The following KIF11 variants were observed in gnomAD, a reference collection of about 807,000 sequenced individuals.
The protein encoded by KIF11 is kinesin family member 11.
A neutral mutation model predicts 121.0 loss-of-function variants in KIF11; 9 were observed. That is an observed-to-expected ratio of 0.07 (90% CI 0.04 to 0.13). The LOEUF (loss-of-function observed/expected upper bound fraction) is 0.13, where lower values mean the gene tolerates loss of function less well. Among genes scored for constraint, KIF11 ranks in the 10% least tolerant of loss-of-function variants. KIF11 has a pLI of 1.00. For synonymous variants in KIF11, 408 were observed against 421.0 expected (o/e 0.97, Z 0.38); for missense variants, 846 against 1,217.5 (o/e 0.69, Z 4.54).
chr10:92,615,692 T>C lies in KIF11; in HGVS notation c.1033-1045T>C, dbSNP rs1332587455. Among the ~76,000 whole-genome samples the C allele has an allele frequency of 3.3e-5, 5 of 152,282 alleles. No individual in the cohort carries two copies. In the South Asian group the frequency reaches 8.3e-4, roughly 25 times the overall value. On this transcript the variant is annotated intron_variant, in intron 8 of 21. Transcript: ENST00000260731. ...ATATTTGCCTATTCTGGGTATTTCA[T>C]ATAAATGGAATTACGTAATAGGTAG...
intron 10 of KIF11, among the ~76,000 whole-genome samples, chr10:92,625,754 T>C (rs1844669667): frequency 6.6e-6 from 1 of 152,188 alleles, no homozygotes; most frequent in South Asian, 2.1e-4. Flanking sequence ...ATCATTGTAC[T>C]AAAATCAGTA....
At chr10:92,642,404 C>A (rs1210565053) in intron 17 of KIF11, among the ~76,000 whole-genome samples, 7 of 152,190 alleles carry the variant, frequency 4.6e-5, no homozygotes, top group Non-Finnish European at 7.3e-5. Flanking sequence ...GTGCTACCCA[C>A]ATGAGAAAAA....
chr10:92,613,593 A>G lies in KIF11; in HGVS notation c.1006A>G (p.Ile336Val), dbSNP rs761471421. ...GRTRTSIIAT[I>V]SPASLNLEET... ...TACAAGAACATCTATAATTGCAACA[A>G]TTTCTCCTGCATCTCTCAATCTTGA... The change falls in exon 8 of 22, where the codon ATT (isoleucine) becomes GTT (valine). Residue 336 changes from isoleucine (I) to valine (V), a missense_variant. By Grantham distance (29) the Ile-to-Val change is conservative. Coordinates refer to ENST00000260731, the MANE Select transcript of KIF11 (RefSeq NM_004523.4). This position sits in a 1 kb window ranked among gnomAD's most constrained non-coding sequence, Gnocchi z 4.2. The G allele has an allele frequency of 9.9e-6, 16 of 1,613,120 alleles. No individual in the cohort carries two copies. The highest frequency in any genetic ancestry group is 1.6e-4 in the Middle Eastern group (1 of 6,074).
At chr10:92,597,333 G>A (rs191059369) in intron 1 of KIF11, 8 of 190,266 alleles carry the variant, frequency 4.2e-5, no homozygotes, top group South Asian at 1.1e-4. Flanking sequence ...GCACAGTCTC[G>A]GCTCACTGTA....
At chr10:92,626,373 CTG>C (rs1381318428) in intron 10 of KIF11, among the ~76,000 whole-genome samples, 1 of 152,202 alleles carries the variant, frequency 6.6e-6, no homozygotes, top group African/African-American at 2.4e-5. Context: ...AATATTGAAA[CTG>C]GACCCCTTCC....
intron 1 of KIF11, among the ~76,000 whole-genome samples, chr10:92,605,726 T>C (rs1258271331): frequency 6.6e-6 from 1 of 152,162 alleles, no homozygotes; most frequent in Non-Finnish European, 1.5e-5. Flanking sequence ...CCTCAGGTGA[T>C]CCGCCTGCCT....
At chr10:92,596,080 T>C (rs578065552) in intron 1 of KIF11, among the ~76,000 whole-genome samples, 1 of 152,300 alleles carries the variant, frequency 6.6e-6, no homozygotes, top group South Asian at 2.1e-4. Context: ...TGGCTCACAC[T>C]GCAAGCTCCA....
At position 92,654,746 on chromosome 10, in the gene KIF11, A is replaced by C. The variant is rs922384369; in HGVS notation, c.*950A>C. The C allele has an allele frequency of 6.6e-6, 1 of 152,238 alleles. No individual in the cohort carries two copies. Among genetic ancestry groups the C allele is most frequent in the Non-Finnish European group, 1.5e-5 (1 of 68,032 alleles). The allele number at this position is 152,238 out of a possible 1,614,324, so 9.4% of individuals were successfully genotyped here. On this transcript the variant is annotated 3_prime_UTR_variant, in exon 22 of 22. Coordinates refer to ENST00000260731, the MANE Select transcript of KIF11 (RefSeq NM_004523.4). ...TTTCACTTGTTGCCCCAAATGTGAA[A>C]GCATTTCATTCCTTTAAGAGGCCTA...
chr10:92,637,764 C>G (rs1328897997), intron 16 of KIF11, among the ~76,000 whole-genome samples: 1 of 152,138 alleles, frequency 6.6e-6, no homozygotes, highest in East Asian at 1.9e-4. Context: ...CCATGCAGAA[C>G]CACAATATGA....
At chr10:92,607,117 G>T in intron 3 of KIF11, 42 bp from the exon 4 acceptor site, 1 of 1,148,512 alleles carries the variant, frequency 8.7e-7, no homozygotes, top group South Asian at 1.2e-5. Context: ...AGTCATATGG[G>T]TGCATGTTTC....
At chr10:92,639,731 G>C in intron 16 of KIF11, 63 bp from the exon 17 acceptor site, 2 of 855,146 alleles carry the variant, frequency 2.3e-6, no homozygotes, top group Non-Finnish European at 3.9e-6. Context: ...TTTGTTATCA[G>C]TCATAAAAAA....
chr10:92,593,214 G>T lies in KIF11; in HGVS notation c.-162G>T. The T allele has an allele frequency of 1.6e-6, 1 of 635,904 alleles. No homozygotes were observed. The highest frequency in any genetic ancestry group is 2.8e-6 in the Non-Finnish European group (1 of 361,098). The allele number at this position is 635,904 out of a possible 1,614,324, so 39.4% of individuals were successfully genotyped here. ...GACAAACGCCACGGCCAGAGTACCG[G>T]GTAGAGAGCGGGGACGCCGACCTGC... On this transcript the variant is annotated 5_prime_UTR_variant, in exon 1 of 22. Transcript: ENST00000260731.
rs1297948543 is a variant in KIF11 at position 92,654,402 on chromosome 10, A to G, written c.*606A>G. On this transcript the variant is annotated 3_prime_UTR_variant, in exon 22 of 22. Transcript: ENST00000260731. ...TAAGTAATGAATATATAAGAACTGT[A>G]CTCTTCTCAGCTTGAGCTTACATAG... The G allele has an allele frequency of 1.3e-5, 2 of 152,142 alleles. No individual in the cohort carries two copies. The highest frequency in any genetic ancestry group is 4.1e-4 in the South Asian group (2 of 4,826). The allele number at this position is 152,142 out of a possible 1,614,324, so 9.4% of individuals were successfully genotyped here.
At chr10:92,619,233 G>A (rs879442604) in intron 9 of KIF11, among the ~76,000 whole-genome samples, 1 of 151,970 alleles carries the variant, frequency 6.6e-6, no homozygotes, top group South Asian at 2.1e-4. Flanking sequence ...CGCCAGGCTG[G>A]GTCTCAAACT....
chr10:92,613,460 C>T lies in KIF11; in HGVS notation c.873C>T (p.Ser291=), dbSNP rs1324575402. The T allele has an allele frequency of 2.5e-6, 4 of 1,612,114 alleles. No individual in the cohort carries two copies. Among genetic ancestry groups the T allele is most frequent in the Non-Finnish European group, 3.4e-6 (4 of 1,178,488 alleles). Residue 291 remains serine, a synonymous_variant, in exon 8 of 22, where the codon TCC becomes TCT. Coordinates refer to ENST00000260731, the MANE Select transcript of KIF11 (RefSeq NM_004523.4). The surrounding 1 kb of genome is among the most constrained non-coding windows in gnomAD (Gnocchi z 4.2). ...RAREAGNINQ[S]LLTLGRVITA... ...GGGAAGCTGGAAATATAAATCAATC[C>T]CTGTTGACTTTGGGAAGGGTCATTA...
intron 10 of KIF11, among the ~76,000 whole-genome samples, chr10:92,627,594 A>T (rs1030662539): frequency 1.3e-5 from 2 of 151,500 alleles, no homozygotes; most frequent in Non-Finnish European, 2.9e-5. Context: ...TTCCTTTGGG[A>T]TCTTTTTTTT....
chr10:92,613,380 G>T lies in KIF11; in HGVS notation c.793G>T (p.Asp265Tyr). ...ATTTTTATTTTTAAAATTAAAGGTTGATCTTGCAGGAAGTGAAAACATTGG... is the reference window on the plus strand; with the variant it reads ...ATTTTTATTTTTAAAATTAAAGGTTTATCTTGCAGGAAGTGAAAACATTGG... ...LVKIGKLNLV[D>Y]LAGSENIGRS... The change falls in exon 8 of 22, where the codon GAT (aspartate) becomes TAT (tyrosine). Residue 265 changes from aspartate (D) to tyrosine (Y), a missense_variant. Physicochemically the swap from Asp to Tyr is radical, Grantham distance 160. This residue lies in a region of KIF11 where 116 missense variants were observed against 285.3 expected (regional missense o/e 0.41). Coordinates refer to ENST00000260731, the MANE Select transcript of KIF11 (RefSeq NM_004523.4). The surrounding 1 kb of genome is among the most constrained non-coding windows in gnomAD (Gnocchi z 4.2). 6.3e-7 allele frequency: 1 copy of T among 1,593,002 alleles called. No individual in the cohort carries two copies. The highest frequency in any genetic ancestry group is 1.1e-5 in the South Asian group (1 of 88,534).
At chr10:92,646,828 C>T (rs994002838) in intron 18 of KIF11, among the ~76,000 whole-genome samples, 2 of 152,180 alleles carry the variant, frequency 1.3e-5, no homozygotes, top group Non-Finnish European at 2.9e-5. Flanking sequence ...TAGCATCCAT[C>T]TGTCTTTCCT....
Position 92,645,456 on chromosome 10 carries a change from C to T in KIF11, c.2361C>T (p.Asn787=). 6.2e-7 allele frequency: 1 copy of T among 1,613,848 alleles called. No homozygotes were observed. The highest frequency in any genetic ancestry group is 8.5e-7 in the Non-Finnish European group (1 of 1,179,822). Residue 787 remains asparagine, a synonymous_variant, in exon 18 of 22, where the codon AAC becomes AAT. Transcript: ENST00000260731. The stretch of plus-strand genomic sequence containing the variant: ...TCTCACAGGAACTCAGAAATTTTAA[C>T]CAAGAAGGTACAAAATTGGTTGAAG... The part of the protein sequence containing the change: ...DGFSQELRNF[N]QEGTKLVEES...
Sources: allele counts gnomAD v4.1 joint callset (sites outside exome capture counted in the v4.1 genomes callset), GRCh38; gene constraint gnomAD v4.1.1; regional missense constraint gnomAD v4.1.1; non-coding constraint Gnocchi (gnomAD v3.1); transcripts MANE v1.5; gene names NCBI Gene and HGNC (gene_info 2026-07-23, HGNC 2026-07-21).